REV3L: variants seen among roughly 807,000 people sequenced by gnomAD.
REV3L encodes the protein REV3 like, DNA directed polymerase zeta catalytic subunit.
In REV3L, 69 loss-of-function variants were observed where a neutral mutation model predicts 299.4. The ratio of observed to expected loss-of-function variants is 0.23; its 90% CI spans 0.19 to 0.28. REV3L has a LOEUF of 0.28. Ranked by LOEUF, REV3L falls within the 10% of genes least tolerant of loss-of-function variation. REV3L has a pLI of 1.00. For synonymous variants in REV3L, 1,238 were observed against 1,271.4 expected, an observed-to-expected ratio of 0.97 and a Z score of 0.56; for missense variants, 3,128 against 3,693.8, an observed-to-expected ratio of 0.85 and a Z score of 3.97.
chr6:111,355,693 C>CAA (rs1478159147), intron 18 of REV3L, among the ~76,000 whole-genome samples: 1 of 152,118 alleles, frequency 6.6e-6, no homozygotes, highest in Non-Finnish European at 1.5e-5. Flanking sequence ...GGCAAGCATA[C>CAA]AAGCCCAGGG....
intron 25 of REV3L, among the ~76,000 whole-genome samples, chr6:111,324,955 G>A (rs963334750): frequency 6.6e-6 from 1 of 151,614 alleles, no homozygotes; most frequent in Non-Finnish European, 1.5e-5. Flanking sequence ...TCTACCTCCC[G>A]GGTTCACGCC....
intron 1 of REV3L, among the ~76,000 whole-genome samples, chr6:111,480,064 CATTT>C (rs1417569048): frequency 6.6e-6 from 1 of 152,208 alleles, no homozygotes; most frequent in Admixed American, 6.5e-5. Context: ...ACGGCCACTT[CATTT>C]GAGAAAAAAT....
intron 25 of REV3L, 55 bp from the exon 26 acceptor site, chr6:111,322,733 A>G (rs772736496): frequency 1.1e-5 from 13 of 1,176,706 alleles, no homozygotes; most frequent in Non-Finnish European, 1.5e-5. Context: ...GTATAAGTTA[A>G]CAGACTTTAA....
intron 4 of REV3L, among the ~76,000 whole-genome samples, chr6:111,400,951 CA>C (rs1783027743): frequency 6.6e-6 from 1 of 152,144 alleles, no homozygotes; most frequent in Non-Finnish European, 1.5e-5. Context: ...TATTTTCTGG[CA>C]TATGGACATC....
At chr6:111,482,246 G>C (rs1056192912) in intron 1 of REV3L, among the ~76,000 whole-genome samples, 1 of 152,230 alleles carries the variant, frequency 6.6e-6, no homozygotes, top group Non-Finnish European at 1.5e-5. Context: ...GGAACTGGCA[G>C]AGGAGAGCGA....
chr6:111,421,969 G>A (rs1187833437), intron 1 of REV3L, among the ~76,000 whole-genome samples: 1 of 151,762 alleles, frequency 6.6e-6, no homozygotes, highest in African/African-American at 2.4e-5. Context: ...ACCACAAAAC[G>A]AACTAAACAA....
chr6:111,456,213 C>A (rs1389279458), intron 1 of REV3L, among the ~76,000 whole-genome samples: 2 of 152,152 alleles, frequency 1.3e-5, no homozygotes, highest in Non-Finnish European at 2.9e-5. Flanking sequence ...TAGAGTCGGT[C>A]TTCCTTTTTA....
At chr6:111,481,252 A>T (rs1424831837) in intron 1 of REV3L, among the ~76,000 whole-genome samples, 1 of 152,230 alleles carries the variant, frequency 6.6e-6, no homozygotes, top group Non-Finnish European at 1.5e-5. Context: ...CTTCCTCTGC[A>T]TCTGAAGTGA....
chr6:111,403,073 C>T (rs984500742), intron 4 of REV3L, among the ~76,000 whole-genome samples: 4 of 152,020 alleles, frequency 2.6e-5, no homozygotes, highest in East Asian at 1.9e-4. Context: ...TAAAAAGAAA[C>T]GAAGTACTGA....
chr6:111,302,131 G>A (rs1481519610), intron 31 of REV3L, among the ~76,000 whole-genome samples: 1 of 152,190 alleles, frequency 6.6e-6, no homozygotes, highest in Non-Finnish European at 1.5e-5. Flanking sequence ...TTTCTAAGTA[G>A]ACTGGTTACT....
chr6:111,463,581 T>C (rs1029247739), intron 1 of REV3L, among the ~76,000 whole-genome samples: 3 of 152,170 alleles, frequency 2.0e-5, no homozygotes, highest in African/African-American at 7.2e-5. Context: ...AAATACAGAA[T>C]AATCCTTCTC....
At chr6:111,330,792 T>A (rs983996328) in intron 24 of REV3L, among the ~76,000 whole-genome samples, 4 of 152,164 alleles carry the variant, frequency 2.6e-5, no homozygotes, top group African/African-American at 7.2e-5. Flanking sequence ...TAAAAAAAAA[T>A]CTGTTTCCAT....
rs994425849 is a variant in REV3L at position 111,375,411 on chromosome 6, T to G, written c.2944A>C (p.Asn982His). 1.9e-6 allele frequency: 3 copies of G among 1,597,052 alleles called. No individual in the cohort carries two copies. Among genetic ancestry groups the G allele is most frequent in the Non-Finnish European group, 2.6e-6 (3 of 1,174,768 alleles). Residue 982 changes from asparagine to histidine, a missense_variant, in exon 13 of 32, where the codon AAT becomes CAT. Physicochemically the swap from Asn to His is moderately conservative, Grantham distance 68. Transcript: ENST00000368802. ...PPVIIKYIII[N>H]RFRGRKNMLV... ...ATATTTTTTCTCCCTCTAAATCTAT[T>G]AATAATAATATACTTTATGATGACA...
intron 7 of REV3L, 69 bp from the exon 8 acceptor site, chr6:111,388,154 A>G (rs1781528650): frequency 3.7e-6 from 4 of 1,071,506 alleles, no homozygotes; most frequent in Non-Finnish European, 5.5e-6. Flanking sequence ...CTTCTCCTAA[A>G]GTAGCTTTAA....
At chr6:111,445,862 G>GT (rs763790306) in intron 1 of REV3L, among the ~76,000 whole-genome samples, 1 of 152,194 alleles carries the variant, frequency 6.6e-6, no homozygotes, top group Non-Finnish European at 1.5e-5. Flanking sequence ...AGAGGGAACA[G>GT]TTTAAGCAAA....
At chr6:111,397,997 G>C (rs1782701721) in intron 4 of REV3L, among the ~76,000 whole-genome samples, 1 of 146,920 alleles carries the variant, frequency 6.8e-6, no homozygotes, top group Non-Finnish European at 1.5e-5. Context: ...CTGAGAGTGG[G>C]GTGTTGAAGT....
At chr6:111,464,058 A>G (rs1791118118) in intron 1 of REV3L, among the ~76,000 whole-genome samples, 1 of 152,168 alleles carries the variant, frequency 6.6e-6, no homozygotes, top group Non-Finnish European at 1.5e-5. Context: ...AAGGGCCTTT[A>G]CAACCTGGAG....
Position 111,374,127 on chromosome 6 carries a change from T to C in REV3L, c.4228A>G (p.Lys1410Glu). The change falls in exon 13 of 32, where the codon AAG becomes GAG. Residue 1410 changes from lysine to glutamate, a missense_variant. Physicochemically the swap from Lys to Glu is moderately conservative, Grantham distance 56. This residue lies in a region of REV3L where 2,409 missense variants were observed against 2,611.8 expected (regional missense o/e 0.92). Transcript: ENST00000368802. ...TTAGGGGTATATGCTTGGTCCAGCTTTGATTCTAGGGAATTGCGATATTCA... is the reference window on the plus strand; with the variant it reads ...TTAGGGGTATATGCTTGGTCCAGCTCTGATTCTAGGGAATTGCGATATTCA... ...LSEYRNSLES[K>E]LDQAYTPNFL... The C allele has an allele frequency of 5.0e-6, 8 of 1,614,134 alleles. No individual in the cohort carries two copies. The highest frequency in any genetic ancestry group is 6.8e-6 in the Non-Finnish European group (8 of 1,179,978).
chr6:111,452,283 C>T (rs1789639950), intron 1 of REV3L, among the ~76,000 whole-genome samples: 1 of 152,078 alleles, frequency 6.6e-6, no homozygotes, highest in East Asian at 1.9e-4. Flanking sequence ...TACAGCCACA[C>T]TGGGAAAAAA....
Sources: gnomAD v4.1 joint callset for allele counts (sites outside exome capture counted in the v4.1 genomes callset) on GRCh38, gnomAD v4.1.1 for gene constraint, gnomAD v4.1.1 regional missense constraint, MANE v1.5 for transcripts, NCBI Gene and HGNC (gene_info 2026-07-23, HGNC 2026-07-21) for gene names.